The following STAC variants were observed in gnomAD, a reference collection of about 807,000 sequenced individuals.
STAC encodes the protein SH3 and cysteine-rich domain-containing protein.
Under a neutral mutation model 48.8 loss-of-function variants are expected in STAC, and 43 were observed. That is an observed-to-expected ratio of 0.88 (90% CI 0.69 to 1.14). STAC has a LOEUF of 1.14. STAC is among the 50% of genes most tolerant of loss of function. STAC has a pLI of 0.00. For synonymous variants in STAC, 193 were observed against 179.5 expected (o/e 1.07, Z -0.60); for missense variants, 497 against 504.0 (o/e 0.99, Z 0.13).
chr3:36,389,157 C>A (rs1699685865), intron 1 of STAC, among the ~76,000 whole-genome samples: 1 of 152,092 alleles, frequency 6.6e-6, no homozygotes, highest in African/African-American at 2.4e-5. Context: ...TATTTCCTGC[C>A]AAAATTCTTT....
chr3:36,507,883 T>C (rs542935635), intron 8 of STAC, among the ~76,000 whole-genome samples: 11 of 152,312 alleles, frequency 7.2e-5, no homozygotes, highest in African/African-American at 1.7e-4. Context: ...CCTGGATTCA[T>C]TGATGTTTTG....
At chr3:36,475,894 C>G (rs1697480186) in intron 2 of STAC, among the ~76,000 whole-genome samples, 1 of 152,202 alleles carries the variant, frequency 6.6e-6, no homozygotes, top group South Asian at 2.1e-4. Flanking sequence ...GGAACAGTAT[C>G]TGGCCTGCAC....
intron 2 of STAC, among the ~76,000 whole-genome samples, chr3:36,481,094 G>A (rs1473841139): frequency 6.6e-6 from 1 of 152,210 alleles, no homozygotes; most frequent in African/African-American, 2.4e-5. Flanking sequence ...AGACTGAGGG[G>A]TTGCTAGCCA....
chr3:36,485,590 T>C (rs2125701396), intron 4 of STAC, among the ~76,000 whole-genome samples: 1 of 152,374 alleles, frequency 6.6e-6, no homozygotes, highest in South Asian at 2.1e-4. Context: ...TGGATTCTTC[T>C]CTAACAATAT....
At position 36,483,968 on chromosome 3, in the gene STAC, G is replaced by A. The variant is rs570028606; in HGVS notation, c.489+876G>A. Among the ~76,000 whole-genome samples the A allele has an allele frequency of 1.6e-3, 250 of 152,106 alleles. 1 individual carries two copies. Among genetic ancestry groups the A allele is most frequent in the Non-Finnish European group, 2.8e-3 (189 of 68,010 alleles). Reference sequence around the variant, plus strand: ...TGTCTCAAAAATTTTTTTTCAAAAAGCAATCCAGAGCGCATTTGAGGGTGT... The same window carrying A: ...TGTCTCAAAAATTTTTTTTCAAAAAACAATCCAGAGCGCATTTGAGGGTGT... On this transcript the variant is annotated intron_variant, in intron 3 of 10. Transcript: ENST00000273183.
chr3:36,398,363 G>GAAAGAAAGAAAAGA (rs1553631483), intron 1 of STAC, among the ~76,000 whole-genome samples: 2 of 124,884 alleles, frequency 1.6e-5, no homozygotes, highest in Non-Finnish European at 1.7e-5. Context: ...AAGAAAGAAA[G>GAAAGAAAGAAAAGA]AAAGAAAAGA....
At chr3:36,465,099 T>C (rs1389665255) in intron 2 of STAC, among the ~76,000 whole-genome samples, 2 of 152,244 alleles carry the variant, frequency 1.3e-5, no homozygotes, top group Non-Finnish European at 2.9e-5. Flanking sequence ...AAGTGTTCCC[T>C]TTTCACTACA....
At chr3:36,434,144 C>T (rs555687585) in intron 1 of STAC, among the ~76,000 whole-genome samples, 9 of 152,288 alleles carry the variant, frequency 5.9e-5, no homozygotes, top group African/African-American at 2.2e-4. Context: ...TGACAAACTA[C>T]ACCATCAGCC....
At chr3:36,533,441 T>C (rs1027806383) in intron 10 of STAC, among the ~76,000 whole-genome samples, 4 of 151,796 alleles carry the variant, frequency 2.6e-5, no homozygotes, top group South Asian at 4.2e-4. Flanking sequence ...TTCATCTTTA[T>C]TGGCAAAGTG....
At chr3:36,530,634 T>C (rs1251307215) in intron 10 of STAC, among the ~76,000 whole-genome samples, 1 of 148,384 alleles carries the variant, frequency 6.7e-6, no homozygotes, top group Non-Finnish European at 1.5e-5. Flanking sequence ...TCACTCTTAT[T>C]GTCCAGGCTG....
chr3:36,480,159 T>TC lies in STAC; in HGVS notation c.389-2833_389-2832insC, dbSNP rs1317172859. On this transcript the variant is annotated intron_variant, in intron 2 of 10. Transcript: ENST00000273183. ...TAACTTCCTCTTTGAAGCTTTTACT[T>TC]AAATTCCCACATAGAGCACAAATAG... Among the ~76,000 whole-genome samples the TC allele has an allele frequency of 2.0e-5, 3 of 152,326 alleles. No homozygotes were observed. In the East Asian group the frequency reaches 5.8e-4, roughly 29 times the overall value.
Position 36,493,186 on chromosome 3 carries a change from T to A in STAC, c.723T>A (p.Asn241Lys), listed in dbSNP as rs199675015. 3 of 1,613,584 alleles carry A rather than the reference T, an allele frequency of 1.9e-6. No homozygotes were observed. Among genetic ancestry groups the A allele is most frequent in the Admixed American group, 1.7e-5 (1 of 60,006 alleles). ...SDLVEVPEEA[N>K]GPGGGYDLRK... ...TTGTGGAGGTTCCTGAGGAAGCCAATGGGCCAGGAGGCGGGTATGACCTAA... is the reference window on the plus strand; with the variant it reads ...TTGTGGAGGTTCCTGAGGAAGCCAAAGGGCCAGGAGGCGGGTATGACCTAA... Residue 241 changes from asparagine to lysine, a missense_variant, in exon 6 of 11, where the codon AAT becomes AAA. Transcript: ENST00000273183.
chr3:36,507,795 G>C (rs1342966117), intron 8 of STAC, among the ~76,000 whole-genome samples: 1 of 152,024 alleles, frequency 6.6e-6, no homozygotes, highest in Non-Finnish European at 1.5e-5. Context: ...GTGTCTATTT[G>C]ATTCTTCTTT....
At chr3:36,387,229 ATT>A (rs1699636942) in intron 1 of STAC, among the ~76,000 whole-genome samples, 1 of 152,076 alleles carries the variant, frequency 6.6e-6, no homozygotes, top group South Asian at 2.1e-4. Flanking sequence ...GTTGGTAAGA[ATT>A]TTGTTTCTAG....
intron 1 of STAC, among the ~76,000 whole-genome samples, chr3:36,431,680 A>G (rs1425495219): frequency 6.6e-6 from 1 of 152,226 alleles, no homozygotes; most frequent in Non-Finnish European, 1.5e-5. Flanking sequence ...TGAGGAGGAA[A>G]AAAAGGGAGA....
intron 1 of STAC, among the ~76,000 whole-genome samples, chr3:36,429,181 G>C (rs1700632568): frequency 6.6e-6 from 1 of 152,158 alleles, no homozygotes; most frequent in Non-Finnish European, 1.5e-5. Context: ...TAGATAAAAT[G>C]CTATGCCCTT....
chr3:36,442,114 C>G (rs1277634094), intron 1 of STAC, among the ~76,000 whole-genome samples: 1 of 152,172 alleles, frequency 6.6e-6, no homozygotes, highest in Non-Finnish European at 1.5e-5. Flanking sequence ...CAGCCTGGAT[C>G]TGCATGATCC....
intron 1 of STAC, among the ~76,000 whole-genome samples, chr3:36,414,257 T>C (rs868750328): frequency 2.0e-5 from 3 of 152,220 alleles, no homozygotes; most frequent in Admixed American, 6.5e-5. Context: ...CTGGATAATA[T>C]CCTGCAGAGT....
intron 8 of STAC, among the ~76,000 whole-genome samples, chr3:36,526,305 C>T (rs1055285986): frequency 1.3e-5 from 2 of 152,124 alleles, no homozygotes; most frequent in Non-Finnish European, 2.9e-5. Flanking sequence ...CCTCCCAAAA[C>T]AGAGGTGGAT....
Sources: gnomAD v4.1 joint callset for allele counts (sites outside exome capture counted in the v4.1 genomes callset) on GRCh38, gnomAD v4.1.1 for gene constraint, MANE v1.5 for transcripts, NCBI Gene and HGNC (gene_info 2026-07-23, HGNC 2026-07-21) for gene names.